FAM228B: variants seen among roughly 807,000 people sequenced by gnomAD.
FAM228B encodes the protein family with sequence similarity 228 member B, also known as protein FAM228B.
A neutral mutation model predicts 42.6 loss-of-function variants in FAM228B; 38 were observed. That is an observed-to-expected ratio of 0.89 (90% CI 0.69 to 1.17). The LOEUF (loss-of-function observed/expected upper bound fraction) is 1.17. Ranked by LOEUF, FAM228B falls within the 50% of genes most tolerant of loss-of-function variation. FAM228B has a pLI of 0.00. For missense variants in FAM228B, 344 were observed against 367.3 expected (o/e 0.94, Z 0.52); for synonymous variants, 109 against 122.3 (o/e 0.89, Z 0.72).
chr2:24,163,883 G>A (rs1667337485), intron 8 of FAM228B, among the ~76,000 whole-genome samples: 1 of 152,070 alleles, frequency 6.6e-6, no homozygotes, highest in Admixed American at 6.5e-5. Flanking sequence ...GGTGGAGAAG[G>A]CATATTTGTC....
intron 7 of FAM228B, among the ~76,000 whole-genome samples, chr2:24,151,455 T>G (rs1235550674): frequency 6.6e-6 from 1 of 151,722 alleles, no homozygotes; most frequent in African/African-American, 2.4e-5. Flanking sequence ...CACGTCCGGC[T>G]AATTTTTTGT....
chr2:24,128,846 G>A (rs536560995), intron 2 of FAM228B, among the ~76,000 whole-genome samples: 4 of 151,932 alleles, frequency 2.6e-5, no homozygotes, highest in East Asian at 1.9e-4. Flanking sequence ...AGTATCTACC[G>A]TAGGGCCAAT....
At chr2:24,146,136 A>G (rs1054582276) in intron 5 of FAM228B, among the ~76,000 whole-genome samples, 15 of 152,202 alleles carry the variant, frequency 9.9e-5, no homozygotes, top group African/African-American at 3.4e-4. Flanking sequence ...CTACCCCTGA[A>G]AAACTAGCCT....
intron 2 of FAM228B, among the ~76,000 whole-genome samples, chr2:24,093,406 G>A (rs1014799701): frequency 6.6e-6 from 1 of 151,944 alleles, no homozygotes; most frequent in Non-Finnish European, 1.5e-5. Flanking sequence ...GCGCTATTTG[G>A]TTTTCTCTTC....
intron 2 of FAM228B, among the ~76,000 whole-genome samples, chr2:24,083,734 G>C (rs1359228469): frequency 6.6e-6 from 1 of 152,164 alleles, no homozygotes; most frequent in Non-Finnish European, 1.5e-5. Flanking sequence ...CCCGCTGTCA[G>C]CTCCGGGACT....
chr2:24,155,263 CTGTT>C (rs1422328920), intron 7 of FAM228B, among the ~76,000 whole-genome samples: 3 of 151,882 alleles, frequency 2.0e-5, no homozygotes, highest in Non-Finnish European at 1.5e-5. Flanking sequence ...TCCAGTCACA[CTGTT>C]TGTTTCCACC....
rs758360295 is a variant in FAM228B, at chr2:24,083,177, T to C, written c.-210+2222T>C. On this transcript the variant is annotated intron_variant, in intron 2 of 10. Coordinates refer to the FAM228B transcript ENST00000613899. The stretch of plus-strand genomic sequence containing the variant: ...TCTGCAGAGAAAGAAGTGCACTAAG[T>C]GGTGAGCATGATCAGAAATCTGTAT... The C allele has an allele frequency of 4.5e-6, 7 of 1,567,346 alleles. No individual in the cohort carries two copies. The Admixed American group carries it at 1.3e-4, about 28-fold the overall frequency.
At chr2:24,168,153 G>A (rs1667473013) in intron 10 of FAM228B, 1 of 166,618 alleles carries the variant, frequency 6.0e-6, no homozygotes, top group Admixed American at 5.7e-5. Context: ...GCAGGTGGAT[G>A]TACCGGTCTG....
intron 3 of FAM228B, among the ~76,000 whole-genome samples, chr2:24,101,873 C>T (rs1387459582): frequency 6.6e-6 from 1 of 151,920 alleles, no homozygotes; most frequent in African/African-American, 2.4e-5. Flanking sequence ...TAGTAGATAC[C>T]GGGTTTCACC....
chr2:24,119,707 T>C (rs1364603661), upstream of FAM228B: 2 of 1,568,454 alleles, frequency 1.3e-6, no homozygotes, highest in Non-Finnish European at 1.7e-6. Context: ...TAAGAGAATA[T>C]TCTGCTCTTG....
chr2:24,094,864 G>T (rs1390297940), intron 2 of FAM228B, among the ~76,000 whole-genome samples: 2 of 152,146 alleles, frequency 1.3e-5, no homozygotes, highest in African/African-American at 4.8e-5. Context: ...AGGCCGAGGT[G>T]CGCAGATCAC....
At chr2:24,115,864 A>G (rs932052798) in intron 3 of FAM228B, among the ~76,000 whole-genome samples, 6 of 148,962 alleles carry the variant, frequency 4.0e-5, no homozygotes, top group Non-Finnish European at 8.9e-5. Flanking sequence ...GTGCCATAGT[A>G]GAGGTATTTG....
In FAM228B at chr2:24,077,485, G is replaced by C. The variant is rs1664800227; in HGVS notation, c.-290+516G>C. On this transcript the variant is annotated intron_variant, in intron 1 of 10. Transcript: ENST00000613899. The surrounding 1 kb of genome is among the most constrained non-coding windows in gnomAD (Gnocchi z 5.5). ...TCAGCTTTAAACGGCTCTGGAGGAA[G>C]CACCGGGTTTCTTGGCCTGTCTATT... 3.6e-6 allele frequency: 5 copies of C among 1,389,600 alleles called. No homozygotes were observed. The East Asian group carries it at 1.2e-4, about 34-fold the overall frequency. 86.1% of individuals were successfully genotyped at this position (1,389,600 alleles called of 1,614,324 possible). A position where few individuals can be genotyped will look rare whatever the true frequency, so the allele number is the denominator to read the frequency against.
chr2:24,090,193 G>A (rs1323083957), intron 2 of FAM228B, among the ~76,000 whole-genome samples: 5 of 151,034 alleles, frequency 3.3e-5, no homozygotes, highest in South Asian at 2.1e-4. Flanking sequence ...GCGTGAACCC[G>A]GGAGGCGGAG....
chr2:24,086,265 G>A lies in FAM228B; in HGVS notation c.-210+5310G>A, dbSNP rs896876771. 6.7e-5 allele frequency among the ~76,000 whole-genome samples: 10 copies of A among 149,424 alleles called. No homozygotes were observed. In the South Asian group the frequency reaches 1.9e-3, roughly 28 times the overall value. On this transcript the variant is annotated intron_variant, in intron 2 of 10. Coordinates refer to the FAM228B transcript ENST00000613899. ...AAAAAAAAAAAAAGGAATTTTAGAAGGAGGAAGAGGAATGGATGAAGAAGA... is the reference window on the plus strand; with the variant it reads ...AAAAAAAAAAAAAGGAATTTTAGAAAGAGGAAGAGGAATGGATGAAGAAGA...
At chr2:24,076,848 G>C (rs1664772665), upstream of FAM228B, 2 of 171,890 alleles carry the variant, frequency 1.2e-5, no homozygotes, top group Non-Finnish European at 2.5e-5. Flanking sequence ...CGGTGGGGCG[G>C]GGCCCAGATG....
intron 3 of FAM228B, among the ~76,000 whole-genome samples, chr2:24,100,905 C>G (rs1305645449): frequency 6.6e-6 from 1 of 152,172 alleles, no homozygotes; most frequent in Non-Finnish European, 1.5e-5. Context: ...AAATGTGGCA[C>G]ATATACACCA....
At chr2:24,154,800 T>A (rs1667098128) in intron 7 of FAM228B, among the ~76,000 whole-genome samples, 1 of 152,212 alleles carries the variant, frequency 6.6e-6, no homozygotes, top group Non-Finnish European at 1.5e-5. Context: ...CTGGCCTTTT[T>A]TTGCCCTTGG....
chr2:24,118,451 C>T (rs1250498111), intron 3 of FAM228B, among the ~76,000 whole-genome samples: 1 of 152,216 alleles, frequency 6.6e-6, no homozygotes, highest in Non-Finnish European at 1.5e-5. Context: ...ATTTATTCAT[C>T]AAACATGTAC....
Sources: allele counts gnomAD v4.1 joint callset (sites outside exome capture counted in the v4.1 genomes callset), GRCh38; gene constraint gnomAD v4.1.1; non-coding constraint Gnocchi (gnomAD v3.1); transcripts MANE v1.5; gene names NCBI Gene and HGNC (gene_info 2026-07-23, HGNC 2026-07-21).